The following BMPR1B variants were observed in gnomAD, a reference collection of about 807,000 sequenced individuals.
BMPR1B encodes the protein bone morphogenetic protein receptor type-1B.
In BMPR1B, 12 loss-of-function variants were observed where a neutral mutation model predicts 59.1. The observed-to-expected ratio is 0.20, with a 90% CI of 0.13 to 0.33. The LOEUF is 0.33. BMPR1B is among the 10% of genes least tolerant of loss of function. The pLI is 1.00. For missense variants in BMPR1B, 550 were observed against 610.9 expected, an observed-to-expected ratio of 0.90 and a Z score of 1.05; for synonymous variants, 237 against 207.3, an observed-to-expected ratio of 1.14 and a Z score of -1.23.
At chr4:95,116,216 T>C (rs1732021486) in intron 6 of BMPR1B, among the ~76,000 whole-genome samples, 1 of 152,116 alleles carries the variant, frequency 6.6e-6, no homozygotes, top group African/African-American at 2.4e-5. Context: ...TTTTTTATGC[T>C]AGAGTAACAC....
intron 2 of BMPR1B, among the ~76,000 whole-genome samples, chr4:94,954,858 A>G (rs1228310840): frequency 1.3e-5 from 2 of 152,160 alleles, no homozygotes; most frequent in Non-Finnish European, 2.9e-5. Context: ...TGCTTATTGT[A>G]TGAAAATTAT....
intron 2 of BMPR1B, among the ~76,000 whole-genome samples, chr4:94,957,878 A>G (rs769117369): frequency 7.2e-5 from 11 of 151,750 alleles, no homozygotes; most frequent in Admixed American, 1.3e-4. Flanking sequence ...ACGGTGGGTT[A>G]TCACTCATAT....
intron 1 of BMPR1B, among the ~76,000 whole-genome samples, chr4:94,853,857 C>G (rs767478676): frequency 2.0e-5 from 3 of 152,094 alleles, no homozygotes; most frequent in Non-Finnish European, 2.9e-5. Context: ...AGAATTGCTC[C>G]AATTTTCAGT....
intron 10 of BMPR1B, among the ~76,000 whole-genome samples, chr4:95,140,329 T>C (rs1734134193): frequency 1.3e-5 from 2 of 152,078 alleles, no homozygotes; most frequent in African/African-American, 4.8e-5. Flanking sequence ...ACTTTTTTCC[T>C]AACACCAGAG....
chr4:94,982,622 C>A (rs776133957), intron 2 of BMPR1B, among the ~76,000 whole-genome samples: 7 of 152,184 alleles, frequency 4.6e-5, no homozygotes, highest in Non-Finnish European at 8.8e-5. Flanking sequence ...GATTTAAGAA[C>A]CACTGGCCAA....
At chr4:94,859,250 C>T (rs765813062) in intron 1 of BMPR1B, among the ~76,000 whole-genome samples, 1 of 152,054 alleles carries the variant, frequency 6.6e-6, no homozygotes, top group Non-Finnish European at 1.5e-5. Context: ...AAGAAATGCA[C>T]GTTCTAGTTA....
At chr4:94,899,338 T>G (rs1014066589) in intron 2 of BMPR1B, among the ~76,000 whole-genome samples, 3 of 146,768 alleles carry the variant, frequency 2.0e-5, no homozygotes, top group Non-Finnish European at 4.5e-5. Context: ...GACCTGACTT[T>G]TCAGGCCACT....
intron 1 of BMPR1B, among the ~76,000 whole-genome samples, chr4:94,867,559 T>C (rs1420170179): frequency 6.6e-6 from 1 of 152,210 alleles, no homozygotes; most frequent in Non-Finnish European, 1.5e-5. Context: ...CACCTTGGAA[T>C]AGCCTTAGTT....
intron 3 of BMPR1B, among the ~76,000 whole-genome samples, chr4:95,070,717 G>A (rs924556589): frequency 1.7e-4 from 26 of 152,122 alleles, no homozygotes; most frequent in South Asian, 2.1e-4. Flanking sequence ...TCCTGCAGGA[G>A]CATAGAAGTT....
intron 1 of BMPR1B, among the ~76,000 whole-genome samples, chr4:94,787,781 A>C (rs1056432599): frequency 2.2e-5 from 3 of 138,254 alleles, no homozygotes; most frequent in Admixed American, 7.9e-5. Context: ...AAGAAAAGAT[A>C]TTTTTTCTTT....
chr4:94,918,309 CATT>C (rs1323938519), intron 2 of BMPR1B, among the ~76,000 whole-genome samples: 3 of 152,184 alleles, frequency 2.0e-5, no homozygotes, highest in African/African-American at 7.2e-5. Flanking sequence ...AATACATTTT[CATT>C]ATTCTCATGT....
chr4:95,144,016 T>TC (rs1444373503), intron 10 of BMPR1B, among the ~76,000 whole-genome samples: 1 of 151,888 alleles, frequency 6.6e-6, no homozygotes, highest in African/African-American at 2.4e-5. Flanking sequence ...TTTTTTTTTT[T>TC]ACCCCTACAG....
At chr4:94,940,769 C>T (rs981565151) in intron 2 of BMPR1B, among the ~76,000 whole-genome samples, 1 of 152,162 alleles carries the variant, frequency 6.6e-6, no homozygotes, top group Admixed American at 6.5e-5. Flanking sequence ...CTCTGTTGGT[C>T]TCCAGAATAG....
At chr4:95,032,366 G>A (rs138751393) in intron 3 of BMPR1B, among the ~76,000 whole-genome samples, 2 of 152,020 alleles carry the variant, frequency 1.3e-5, no homozygotes, top group Non-Finnish European at 2.9e-5. Flanking sequence ...CTGTGATAGG[G>A]TCCTTACTCT....
intron 10 of BMPR1B, among the ~76,000 whole-genome samples, chr4:95,146,025 A>G (rs146671486): frequency 6.6e-6 from 1 of 152,234 alleles, no homozygotes; most frequent in South Asian, 2.1e-4. Context: ...TGTGCAAGAC[A>G]CACTGCGAAT....
intron 3 of BMPR1B, among the ~76,000 whole-genome samples, chr4:95,079,972 G>T (rs1728997842): frequency 6.6e-6 from 1 of 151,820 alleles, no homozygotes; most frequent in African/African-American, 2.4e-5. Flanking sequence ...CCAAATATTT[G>T]CCAATACTTC....
At chr4:94,762,925 T>G (rs183557659) in intron 1 of BMPR1B, among the ~76,000 whole-genome samples, 10 of 151,482 alleles carry the variant, frequency 6.6e-5, no homozygotes, top group African/African-American at 2.4e-4. Context: ...AATTCACTGG[T>G]TCAATAGTTA....
chr4:94,903,243 A>T (rs1185840689), intron 2 of BMPR1B, among the ~76,000 whole-genome samples: 7 of 151,988 alleles, frequency 4.6e-5, no homozygotes, highest in Admixed American at 4.6e-4. Flanking sequence ...TTTGAAAAGT[A>T]AGAATTCAAT....
rs1431437943 is a variant in BMPR1B, at chr4:95,156,036, G to A, written c.*1363G>A. The stretch of plus-strand genomic sequence containing the variant: ...CCTACTCATTTTATTTTATTCTAGT[G>A]ATGCTCAATTCACTATTTAATTTAT... On this transcript the variant is annotated 3_prime_UTR_variant, in exon 13 of 13. Coordinates refer to ENST00000515059, the MANE Select transcript of BMPR1B (RefSeq NM_001203.3). 5 of 152,008 alleles carry A rather than the reference G, an allele frequency of 3.3e-5. No homozygotes were observed. The highest frequency in any genetic ancestry group is 2.4e-5 in the African/African-American group (1 of 41,394). 9.4% of individuals were successfully genotyped at this position (152,008 alleles called of 1,614,324 possible). A position where few individuals can be genotyped will look rare whatever the true frequency, so the allele number is the denominator to read the frequency against.
Sources: allele counts gnomAD v4.1 joint callset (sites outside exome capture counted in the v4.1 genomes callset), GRCh38; gene constraint gnomAD v4.1.1; transcripts MANE v1.5; gene names NCBI Gene and HGNC (gene_info 2026-07-23, HGNC 2026-07-21).